The following TTN variants were observed in gnomAD, a reference collection of about 807,000 sequenced individuals.
TTN encodes the protein titin.
In TTN, 1,525 loss-of-function variants were observed where a neutral mutation model predicts 3,223.0. That is an observed-to-expected ratio of 0.47 (90% CI 0.45 to 0.49). TTN has a LOEUF of 0.49. Among genes scored for constraint, TTN ranks in the 20% least tolerant of loss-of-function variants. The pLI, the probability that TTN is intolerant of heterozygous loss-of-function variation, is 0.00. For synonymous variants in TTN, 14,094 were observed against 15,161.0 expected (o/e 0.93, Z 5.17); for missense variants, 40,786 against 43,424.0 (o/e 0.94, Z 5.40).
In TTN at chr2:178,719,596, T is replaced by C. The variant is rs766127559; in HGVS notation, c.23896A>G (p.Ser7966Gly). The part of the protein sequence containing the change: ...KGLYSFEVKN[S>G]VGKSNCTVSV... ...ACAGTGCAGTTACTTTTGCCAACAC[T>C]GTTTTTCACTTCAAAGCTATATAAT... Residue 7966 changes from serine to glycine, a missense_variant, in exon 82 of 363, where the codon AGT (serine) becomes GGT (glycine). Physicochemically the swap from Ser to Gly is moderately conservative, Grantham distance 56. Transcript: ENST00000589042. 2.5e-6 allele frequency: 4 copies of C among 1,612,462 alleles called. No individual in the cohort carries two copies. Among genetic ancestry groups the C allele is most frequent in the South Asian group, 1.1e-5 (1 of 91,030 alleles).
chr2:178,709,542 G>T (rs568891101), intron 99 of TTN, 24 bp downstream of exon 99: 2 of 1,590,916 alleles, frequency 1.3e-6, no homozygotes, highest in South Asian at 1.1e-5. Flanking sequence ...AACACAACAG[G>T]TTGGGGCTGT....
In TTN at chr2:178,767,721, C is replaced by T. The variant is rs569812824; in HGVS notation, c.9471+38G>A. On this transcript the variant is annotated intron_variant, in intron 40 of 362. Coordinates refer to ENST00000589042, the MANE Select transcript of TTN (RefSeq NM_001267550.2). ...ATATAAAATGATAGATTATGGACTA[C>T]TGATGATTTTTCAAAACATTTAGTA... The T allele has an allele frequency of 1.1e-5, 17 of 1,609,354 alleles. No homozygotes were observed. In the East Asian group the frequency reaches 3.8e-4, roughly 36 times the overall value.
rs756362917 is a variant in TTN at position 178,545,482 on chromosome 2, A to G, written c.95628T>C (p.Gly31876=). The part of the protein sequence containing the change: ...TRLKVTSLME[G]CDYQFRVTAV... ...CGGTCACCCGGAACTGGTAATCACA[A>G]CCCTCCATCAGGCTGGTCACCTTCA... The change falls in exon 344 of 363, where the codon GGT becomes GGC. Residue 31876 remains glycine, a synonymous_variant. Coordinates refer to ENST00000589042, the MANE Select transcript of TTN (RefSeq NM_001267550.2). The G allele has an allele frequency of 5.6e-6, 9 of 1,613,372 alleles. No homozygotes were observed. Among genetic ancestry groups the G allele is most frequent in the Non-Finnish European group, 7.6e-6 (9 of 1,179,518 alleles).
chr2:178,622,003 C>T lies in TTN; in HGVS notation c.44919G>A (p.Lys14973=). The change falls in exon 244 of 363, where the codon AAG becomes AAA. Residue 14973 remains lysine, a synonymous_variant. Coordinates refer to ENST00000589042, the MANE Select transcript of TTN (RefSeq NM_001267550.2). ...TAATTTCAGCACCATCTTTAAACCA[C>T]TTAACCTATATTTAAGATAAATAGA... ...CELSRENAKV[K]WFKDGAEIKK... is the part of the protein sequence containing the mutation. 6.2e-7 allele frequency: 1 copy of T among 1,604,470 alleles called. No homozygotes were observed. Among genetic ancestry groups the T allele is most frequent in the Non-Finnish European group, 8.5e-7 (1 of 1,174,880 alleles).
At chr2:178,692,126 T>C (rs748407590) in intron 120 of TTN, 27 bp from the exon 121 acceptor site, 2 of 1,595,382 alleles carry the variant, frequency 1.3e-6, no homozygotes, top group South Asian at 1.1e-5. Flanking sequence ...GTTGAAATAA[T>C]GTGGAATATT....
At chr2:178,755,701 C>T (rs1410481138) in intron 46 of TTN, among the ~76,000 whole-genome samples, 2 of 152,160 alleles carry the variant, frequency 1.3e-5, no homozygotes, top group Non-Finnish European at 2.9e-5. Flanking sequence ...GCCTCGGCCT[C>T]CCAAAGTGCT....
At chr2:178,745,594 G>A in intron 47 of TTN, 6 of 1,612,390 alleles carry the variant, frequency 3.7e-6, no homozygotes, top group Non-Finnish European at 5.1e-6. Flanking sequence ...TTTAAGTTAA[G>A]GTGAGTGCTG....
chr2:178,783,992 TTTCAGTACAAAC>T, intron 16 of TTN, 66 bp downstream of exon 16: 1 of 1,607,110 alleles, frequency 6.2e-7, no homozygotes, highest in Non-Finnish European at 8.5e-7. Context: ...ACTGGCTACT[TTTCAGTACAAAC>T]TAGCCAACCA....
At chr2:178,759,278 T>G in intron 43 of TTN, 106 bp from the exon 44 acceptor site, 2 of 1,147,224 alleles carry the variant, frequency 1.7e-6, no homozygotes, top group Non-Finnish European at 1.3e-6. Context: ...ATTTCATATT[T>G]GACTTAATAA....
In TTN at chr2:178,776,948, T is replaced by C; in HGVS notation, c.4916A>G (p.Asp1639Gly). The part of the protein sequence containing the change: ...TATAINKAGR[D>G]TTRCKVNVEV... ...AACATTTACTTTGCATCTTGTAGTG[T>C]CTCTGCCAGCTTTATTAATAGCAGT... Residue 1639 changes from aspartate to glycine, a missense_variant, in exon 28 of 363, where the codon GAC becomes GGC. Asp to Gly is a moderately conservative substitution (Grantham distance 94, BLOSUM62 -1). Transcript: ENST00000589042. 1 of 1,613,874 alleles carries C rather than the reference T, an allele frequency of 6.2e-7. No individual in the cohort carries two copies. Among genetic ancestry groups the C allele is most frequent in the Admixed American group, 1.7e-5 (1 of 59,986 alleles).
chr2:178,561,828 A>G lies in TTN; in HGVS notation c.84304T>C (p.Trp28102Arg), dbSNP rs1553565393. 1 of 1,613,694 alleles carries G rather than the reference A, an allele frequency of 6.2e-7. No individual in the cohort carries two copies. The highest frequency in any genetic ancestry group is 8.5e-7 in the Non-Finnish European group (1 of 1,179,748). ...GCAACTGCTTGTGAAACTATGTGCCATGTTGTAGAGGTGGTTTCTTTCTTT... is the reference window on the plus strand; with the variant it reads ...GCAACTGCTTGTGAAACTATGTGCCGTGTTGTAGAGGTGGTTTCTTTCTTT... ...VEKKETTSTT[W>R]HIVSQAVART... Residue 28102 changes from tryptophan (W) to arginine (R), a missense_variant, in exon 326 of 363, where the codon TGG becomes CGG. Trp to Arg is a moderately radical substitution (Grantham distance 101). Transcript: ENST00000589042.
chr2:178,599,845 G>A lies in TTN; in HGVS notation c.56056C>T (p.Pro18686Ser), dbSNP rs925124308. Residue 18686 changes from proline to serine, a missense_variant, in exon 289 of 363, where the codon CCA (proline) becomes TCA (serine). Pro to Ser is a moderately conservative substitution (Grantham distance 74, BLOSUM62 -1). Transcript: ENST00000589042. ...PVTVKDQTCP[P>S]SIDLKEFMEV... Reference sequence around the variant, plus strand: ...ATGAATTCTTTTAGATCAATTGATGGTGGGCCTAGATTATTTAAAAAAAGT... The same window carrying A: ...ATGAATTCTTTTAGATCAATTGATGATGGGCCTAGATTATTTAAAAAAAGT... The A allele has an allele frequency of 4.4e-6, 7 of 1,577,822 alleles. No individual in the cohort carries two copies. Among genetic ancestry groups the A allele is most frequent in the Non-Finnish European group, 6.0e-6 (7 of 1,164,572 alleles).
intron 333 of TTN, 43 bp downstream of exon 333, chr2:178,553,871 T>C: frequency 1.3e-6 from 2 of 1,563,824 alleles, no homozygotes; most frequent in Non-Finnish European, 1.7e-6. Context: ...CACAGGTGAA[T>C]ATAGAAGACA....
In TTN at chr2:178,728,891, C is replaced by A; in HGVS notation, c.19147G>T (p.Glu6383Ter). 1 of 1,592,166 alleles carries A rather than the reference C, an allele frequency of 6.3e-7. No homozygotes were observed. ...CTTTGAAAGAGAATAGCTTACAAAC[C>A]TTGTACTAAAAGGAAAGCATAACAC... ...ERCYAFLLVQ[E>*]PAQIVEKAKS... Residue 6383 changes from glutamate to a stop codon, truncating the protein, a stop_gained and splice_region_variant, in exon 65 of 363, where the codon GAA becomes TAA. Transcript: ENST00000589042. LOFTEE classifies it high-confidence loss of function.
chr2:178,782,682 T>C (rs2092885186), intron 18 of TTN, 80 bp from the exon 19 acceptor site: 14 of 1,604,450 alleles, frequency 8.7e-6, no homozygotes, highest in Non-Finnish European at 1.2e-5. Context: ...ATTGACCATA[T>C]AATCTCCCCC....
Position 178,578,960 on chromosome 2 carries a change from CTTG to C in TTN, c.68067_68069del (p.Asn22689del), listed in dbSNP as rs774303656. 25 of 1,613,138 alleles carry C rather than the reference CTTG, an allele frequency of 1.5e-5. No individual in the cohort carries two copies. Among genetic ancestry groups the C allele is most frequent in the African/African-American group, 5.3e-5 (4 of 74,860 alleles). ...GGACAGCTGAGGCGCACGTCACCCA[CTTG>C]TTGTTCACAGAATCCCTCTTCTCTA... On this transcript the variant is annotated inframe_deletion, in exon 320 of 363. Transcript: ENST00000589042.
chr2:178,543,759 G>GATCA, intron 346 of TTN, 75 bp downstream of exon 346: 1 of 1,559,288 alleles, frequency 6.4e-7, no homozygotes, highest in Non-Finnish European at 8.7e-7. Context: ...CTAGAGAGGT[G>GATCA]ATCAATCATA....
At position 178,564,067 on chromosome 2, in the gene TTN, A is replaced by C. The variant is rs1457152868; in HGVS notation, c.82065T>G (p.Gly27355=). Residue 27355 remains glycine, a synonymous_variant, in exon 326 of 363, where the codon GGT becomes GGG. Transcript: ENST00000589042. ...GQYILKLSNV[G]GTKSIPITVK... ...CAGTGATGGGTATAGACTTTGTACC[A>C]CCAACATTGCTGAGTTTCAGAATAT... 1 of 1,613,760 alleles carries C rather than the reference A, an allele frequency of 6.2e-7. No individual in the cohort carries two copies. The highest frequency in any genetic ancestry group is 8.5e-7 in the Non-Finnish European group (1 of 1,179,742).
Position 178,589,318 on chromosome 2 carries a change from A to C in TTN, c.62407T>G (p.Trp20803Gly). The change falls in exon 304 of 363, where the codon TGG becomes GGG. Residue 20803 changes from tryptophan to glycine, a missense_variant. By Grantham distance (184) the Trp-to-Gly change is radical. Transcript: ENST00000589042. ...TCTGTAGCGTCTTTGTCCTTGGTCC[A>C]TGCAACTTCTGGGAATGGTTTGCCT... ...VRGKPFPEVA[W>G]TKDKDATDLT... The C allele has an allele frequency of 6.2e-7, 1 of 1,612,984 alleles. No individual in the cohort carries two copies. The highest frequency in any genetic ancestry group is 8.5e-7 in the Non-Finnish European group (1 of 1,179,244).
Sources: allele counts gnomAD v4.1 joint callset (sites outside exome capture counted in the v4.1 genomes callset), GRCh38; gene constraint gnomAD v4.1.1; transcripts MANE v1.5; gene names NCBI Gene and HGNC (gene_info 2026-07-23, HGNC 2026-07-21).